Variants in SYNE2 observed in about 807,000 individuals in gnomAD.
The protein encoded by SYNE2 is nesprin-2.
A neutral mutation model predicts 856.3 loss-of-function variants in SYNE2; 431 were observed. The ratio of observed to expected loss-of-function variants is 0.50; its 90% confidence interval spans 0.47 to 0.55. The LOEUF (loss-of-function observed/expected upper bound fraction) is 0.55. Among genes scored for constraint, SYNE2 ranks in the 20% least tolerant of loss-of-function variants. The pLI, the probability that SYNE2 is intolerant of heterozygous loss-of-function variation, is 0.00. For missense variants in SYNE2, 8,129 were observed against 8,023.2 expected, an observed-to-expected ratio of 1.01 and a Z score of -0.50; for synonymous variants, 2,923 against 2,872.3, an observed-to-expected ratio of 1.02 and a Z score of -0.56.
chr14:64,127,444 TAG>T (rs974992654), intron 73 of SYNE2, among the ~76,000 whole-genome samples: 2 of 151,940 alleles, frequency 1.3e-5, no homozygotes, highest in African/African-American at 4.8e-5. Flanking sequence ...ATAAAAAAAG[TAG>T]AGTCTTGAGT....
intron 45 of SYNE2, among the ~76,000 whole-genome samples, chr14:64,037,133 CTT>C (rs757996897): frequency 8.7e-5 from 12 of 138,112 alleles, no homozygotes; most frequent in Admixed American, 7.3e-5. Flanking sequence ...ACTGTCTCCT[CTT>C]TTTTTTTTTT....
chr14:64,077,204 A>G (rs939149115), intron 54 of SYNE2, among the ~76,000 whole-genome samples: 19 of 152,316 alleles, frequency 1.2e-4, no homozygotes, highest in African/African-American at 4.6e-4. Flanking sequence ...GGGGACAGAC[A>G]TAGTAACATT....
At chr14:63,797,707 G>A (rs755791322) in intron 1 of SYNE2, among the ~76,000 whole-genome samples, 11 of 152,234 alleles carry the variant, frequency 7.2e-5, no homozygotes, top group Non-Finnish European at 1.6e-4. Flanking sequence ...CTCCCAAAGC[G>A]ATGGGATTAC....
At chr14:64,183,650 C>G (rs546117588) in intron 96 of SYNE2, among the ~76,000 whole-genome samples, 6 of 152,334 alleles carry the variant, frequency 3.9e-5, no homozygotes, top group East Asian at 1.9e-4. Context: ...GAACGAGACT[C>G]CGTCTGCAAT....
At chr14:63,923,548 T>C (rs2095625570) in intron 2 of SYNE2, among the ~76,000 whole-genome samples, 1 of 152,202 alleles carries the variant, frequency 6.6e-6, no homozygotes, top group African/African-American at 2.4e-5. Flanking sequence ...GCATGAAAGC[T>C]CTGGGGTAGG....
At chr14:64,194,184 C>T (rs1421936851) in intron 99 of SYNE2, among the ~76,000 whole-genome samples, 4 of 152,192 alleles carry the variant, frequency 2.6e-5, no homozygotes, top group Admixed American at 2.6e-4. Context: ...ATGTAGAACC[C>T]AAGTTGATTT....
At chr14:64,045,544 C>A (rs959934004) in intron 45 of SYNE2, among the ~76,000 whole-genome samples, 3 of 152,168 alleles carry the variant, frequency 2.0e-5, no homozygotes, top group African/African-American at 7.2e-5. Context: ...ACCTACTGGC[C>A]AGTGAAACCT....
At chr14:64,097,869 T>A (rs1454052201) in intron 61 of SYNE2, 80 bp from the exon 62 acceptor site, 3 of 1,427,626 alleles carry the variant, frequency 2.1e-6, no homozygotes, top group Non-Finnish European at 3.0e-6. Context: ...CTTCAGCCCT[T>A]GTACCAAAGG....
In SYNE2 at chr14:64,113,494, G is replaced by A; in HGVS notation, c.12763G>A (p.Ala4255Thr). 1.2e-6 allele frequency: 2 copies of A among 1,614,114 alleles called. No individual in the cohort carries two copies. The highest frequency in any genetic ancestry group is 1.7e-6 in the Non-Finnish European group (2 of 1,179,996). Residue 4255 changes from alanine (A) to threonine (T), a missense_variant, in exon 66 of 116, where the codon GCC becomes ACC. Around this residue, in one of 3 missense-constraint regions of SYNE2, gnomAD observed 5,410 missense variants for 5,284.8 expected, o/e 1.02. Transcript: ENST00000555002. Reference protein sequence around the residue: ...VAELELWLQQANVAVEPETLN... With the variant: ...VAELELWLQQTNVAVEPETLN... ...CGAGCTGGAGCTGTGGCTGCAACAA[G>A]CCAACGTGGCAGTTGAGCCGGAAAC...
At chr14:64,150,193 G>A (rs920213586) in intron 84 of SYNE2, among the ~76,000 whole-genome samples, 9 of 144,338 alleles carry the variant, frequency 6.2e-5, no homozygotes, top group African/African-American at 2.0e-4. Flanking sequence ...CTACTTGGGA[G>A]ACTGAGGCAG....
At chr14:64,064,622 T>C (rs886068906) in intron 50 of SYNE2, among the ~76,000 whole-genome samples, 1 of 146,622 alleles carries the variant, frequency 6.8e-6, no homozygotes, top group Non-Finnish European at 1.5e-5. Flanking sequence ...GGTGCAATCA[T>C]GGCTTATCAC....
chr14:64,005,054 G>A (rs759587322), intron 30 of SYNE2, among the ~76,000 whole-genome samples: 14 of 152,210 alleles, frequency 9.2e-5, no homozygotes, highest in Non-Finnish European at 1.8e-4. Flanking sequence ...GTAGGTACAA[G>A]GGTCGGGTGT....
chr14:64,011,230 TAC>T, intron 32 of SYNE2, among the ~76,000 whole-genome samples: 1 of 152,226 alleles, frequency 6.6e-6, no homozygotes, highest in Non-Finnish European at 1.5e-5. Flanking sequence ...CCTGTTTAGA[TAC>T]CAGCTGTACA....
At chr14:64,219,971 A>G (rs542219288) in intron 110 of SYNE2, among the ~76,000 whole-genome samples, 3 of 152,378 alleles carry the variant, frequency 2.0e-5, no homozygotes, top group African/African-American at 7.2e-5. Flanking sequence ...TGCCATGAGC[A>G]GTAGCCTGAG....
intron 105 of SYNE2, among the ~76,000 whole-genome samples, chr14:64,213,712 C>T (rs1397242876): frequency 6.6e-6 from 1 of 152,074 alleles, no homozygotes; most frequent in African/African-American, 2.4e-5. Flanking sequence ...TTTTCTTAGA[C>T]TGAAAGAGAC....
At chr14:64,162,048 A>T in intron 87 of SYNE2, 24 bp from the exon 88 acceptor site, 4 of 1,613,926 alleles carry the variant, frequency 2.5e-6, no homozygotes, top group Non-Finnish European at 3.4e-6. Context: ...AATGAGGGTT[A>T]TGTTATTTGC....
chr14:64,129,078 C>T (rs1416553427), intron 74 of SYNE2, among the ~76,000 whole-genome samples: 1 of 152,214 alleles, frequency 6.6e-6, no homozygotes, highest in African/African-American at 2.4e-5. Context: ...GAGACTGAGG[C>T]AGGTGGATCA....
chr14:64,016,462 C>T lies in SYNE2; in HGVS notation c.4729-11C>T. 6.5e-7 allele frequency: 1 copy of T among 1,538,964 alleles called. No homozygotes were observed. Reference sequence around the variant, plus strand: ...AAAATATCAGAAATAACTTTCATATCTTTTTTACAGATTGAAATTGTCAAA... The same window carrying T: ...AAAATATCAGAAATAACTTTCATATTTTTTTTACAGATTGAAATTGTCAAA... On this transcript the variant is annotated splice_polypyrimidine_tract_variant and intron_variant, in intron 32 of 115. Transcript: ENST00000555002.
chr14:64,003,506 T>C (rs1396560516), intron 30 of SYNE2, among the ~76,000 whole-genome samples, 176 bp downstream of exon 30: 1 of 152,258 alleles, frequency 6.6e-6, no homozygotes, highest in African/African-American at 2.4e-5. Flanking sequence ...TTGTTGGTAT[T>C]GTACCTGTAC....
Sources: allele counts gnomAD v4.1 joint callset (sites outside exome capture counted in the v4.1 genomes callset), GRCh38; gene constraint gnomAD v4.1.1; regional missense constraint gnomAD v4.1.1; transcripts MANE v1.5; gene names NCBI Gene and HGNC (gene_info 2026-07-23, HGNC 2026-07-21).